KIAA1217: variants seen among roughly 807,000 people sequenced by gnomAD.
KIAA1217 encodes the protein KIAA1217.
Under a neutral mutation model 163.9 loss-of-function variants are expected in KIAA1217, and 88 were observed. The ratio of observed to expected loss-of-function variants is 0.54; its 90% CI spans 0.45 to 0.64. The LOEUF is 0.64. KIAA1217 is among the 30% of genes least tolerant of loss of function. The probability of loss-of-function intolerance (pLI) is 0.00; values close to 1 mark genes in which losing one functional copy is unlikely to be tolerated. For missense variants in KIAA1217, 2,372 were observed against 2,475.0 expected (o/e 0.96, Z 0.88); for synonymous variants, 903 against 923.1 (o/e 0.98, Z 0.39).
intron 3 of KIAA1217, among the ~76,000 whole-genome samples, chr10:24,401,160 A>G (rs2056480518): frequency 6.6e-6 from 1 of 151,252 alleles, no homozygotes; most frequent in African/African-American, 2.4e-5. Context: ...TTCAAAATCC[A>G]AGGGAAAGAA....
intron 1 of KIAA1217, among the ~76,000 whole-genome samples, chr10:23,827,865 G>A (rs1837974878): frequency 6.6e-6 from 1 of 152,134 alleles, no homozygotes; most frequent in Admixed American, 6.6e-5. Flanking sequence ...ACATCAGAAA[G>A]GGTGACTTCC....
rs911874298 is a variant in KIAA1217 at position 24,346,055 on chromosome 10, A to G, written c.355-34814A>G. 2.0e-5 allele frequency among the ~76,000 whole-genome samples: 3 copies of G among 152,234 alleles called. No homozygotes were observed. The East Asian group carries it at 5.8e-4, about 29-fold the overall frequency. ...CTAGACAACTCGTTTAGGTAAAATC[A>G]TAAACCTACTGAAAGTGTTTGGGTT... On this transcript the variant is annotated intron_variant, in intron 2 of 20. Coordinates refer to ENST00000376454, the MANE Select transcript of KIAA1217 (RefSeq NM_019590.5).
intron 3 of KIAA1217, among the ~76,000 whole-genome samples, chr10:24,404,367 G>A (rs1439964887): frequency 1.1e-4 from 16 of 152,148 alleles, no homozygotes; most frequent in South Asian, 1.0e-3. Flanking sequence ...GGGAGATGGA[G>A]ACCCTCCTGG....
At chr10:24,194,037 C>T (rs1229331064) in intron 2 of KIAA1217, among the ~76,000 whole-genome samples, 1 of 151,704 alleles carries the variant, frequency 6.6e-6, no homozygotes, top group East Asian at 1.9e-4. Context: ...AAATACAAAA[C>T]TTAGCCAGAT....
At chr10:24,448,809 A>G (rs1250193938) in intron 5 of KIAA1217, among the ~76,000 whole-genome samples, 1 of 152,236 alleles carries the variant, frequency 6.6e-6, no homozygotes, top group Non-Finnish European at 1.5e-5. Context: ...GATTCACTCA[A>G]TCAGCCATAG....
At chr10:23,831,369 T>C (rs1012526587) in intron 1 of KIAA1217, among the ~76,000 whole-genome samples, 2 of 151,330 alleles carry the variant, frequency 1.3e-5, no homozygotes, top group African/African-American at 4.9e-5. Context: ...GGAGAAAATA[T>C]TGGCAAATGA....
chr10:23,892,975 G>A lies in KIAA1217; in HGVS notation c.-320-114250G>A, dbSNP rs188808262. On this transcript the variant is annotated intron_variant, in intron 1 of 18. Coordinates refer to the KIAA1217 transcript ENST00000376462. ...CTCTTTTTTGGTTGTGTCTCTGCCC[G>A]GCTTTGGTATCAGGATGATGCTGGC... Among the ~76,000 whole-genome samples, 199 of 152,010 alleles carry A rather than the reference G, an allele frequency of 1.3e-3. 2 individuals carry two copies. Among genetic ancestry groups the A allele is most frequent in the Admixed American group, 0.012 (186 of 15,246 alleles).
intron 1 of KIAA1217, among the ~76,000 whole-genome samples, chr10:23,901,000 T>C (rs1029733743): frequency 1.3e-5 from 2 of 152,130 alleles, no homozygotes; most frequent in Non-Finnish European, 2.9e-5. Context: ...CTGTTAATAA[T>C]TATTTTTATT....
intron 9 of KIAA1217, among the ~76,000 whole-genome samples, chr10:24,509,781 TG>T (rs1036259954): frequency 6.6e-6 from 1 of 152,234 alleles, no homozygotes; most frequent in Non-Finnish European, 1.5e-5. Context: ...ACATGCCTGC[TG>T]TGTCAAATAT....
At chr10:24,293,259 C>T (rs183658474) in intron 2 of KIAA1217, among the ~76,000 whole-genome samples, 1 of 152,270 alleles carries the variant, frequency 6.6e-6, no homozygotes, top group Admixed American at 6.5e-5. Flanking sequence ...TTAGTAGAGA[C>T]AGGATTTCAC....
chr10:24,425,264 C>T (rs879729645), intron 3 of KIAA1217, among the ~76,000 whole-genome samples: 14 of 152,296 alleles, frequency 9.2e-5, no homozygotes, highest in Admixed American at 9.2e-4. Flanking sequence ...AGTGAACTTA[C>T]CACCCTTCAC....
chr10:24,227,567 C>T (rs935251579), intron 2 of KIAA1217, among the ~76,000 whole-genome samples: 1 of 151,114 alleles, frequency 6.6e-6, no homozygotes, highest in African/African-American at 2.4e-5. Context: ...GAGTCTTGCT[C>T]TGTTGCCCAG....
chr10:24,389,414 T>G (rs1451806225), intron 3 of KIAA1217, among the ~76,000 whole-genome samples: 2 of 148,922 alleles, frequency 1.3e-5, no homozygotes, highest in African/African-American at 2.5e-5. Flanking sequence ...GGTGGGGGAA[T>G]GGGGGAGGGA....
At chr10:23,809,656 T>G (rs949021179) in intron 1 of KIAA1217, among the ~76,000 whole-genome samples, 1 of 151,970 alleles carries the variant, frequency 6.6e-6, no homozygotes, top group African/African-American at 2.4e-5. Flanking sequence ...TAGTAAGAAT[T>G]TAACAGTGTC....
intron 3 of KIAA1217, among the ~76,000 whole-genome samples, chr10:24,415,423 T>C (rs887353392): frequency 5.9e-5 from 9 of 152,058 alleles, no homozygotes; most frequent in African/African-American, 2.2e-4. Flanking sequence ...CCACTTGATA[T>C]CTTGTTACCC....
chr10:24,145,508 CG>C (rs1201312311), intron 2 of KIAA1217, among the ~76,000 whole-genome samples: 3 of 152,110 alleles, frequency 2.0e-5, no homozygotes, highest in Non-Finnish European at 4.4e-5. Context: ...GTTTACTGAG[CG>C]TATCAGTCAG....
intron 2 of KIAA1217, among the ~76,000 whole-genome samples, chr10:24,131,788 T>C (rs1018796981): frequency 6.6e-6 from 1 of 152,210 alleles, no homozygotes; most frequent in Non-Finnish European, 1.5e-5. Flanking sequence ...ATTGTGTACC[T>C]GGAAGCTGAG....
intron 1 of KIAA1217, among the ~76,000 whole-genome samples, chr10:23,881,999 T>C (rs1840968827): frequency 6.6e-6 from 1 of 151,712 alleles, no homozygotes. Context: ...TTCATTATGG[T>C]AAAAATATGG....
intron 1 of KIAA1217, among the ~76,000 whole-genome samples, chr10:23,825,342 T>C (rs1336520487): frequency 6.6e-6 from 1 of 152,246 alleles, no homozygotes; most frequent in African/African-American, 2.4e-5. Context: ...TTAGTTTTTT[T>C]ACATTAAAAT....
Sources: gnomAD v4.1 joint callset for allele counts (sites outside exome capture counted in the v4.1 genomes callset) on GRCh38, gnomAD v4.1.1 for gene constraint, MANE v1.5 for transcripts, NCBI Gene and HGNC (gene_info 2026-07-23, HGNC 2026-07-21) for gene names.